The following KPNA5 variants were observed in gnomAD, a reference collection of about 807,000 sequenced individuals.
KPNA5 encodes the protein karyopherin subunit alpha 5.
KPNA5 carries 46 observed loss-of-function variants against 71.3 expected under a neutral mutation model. That is an observed-to-expected ratio of 0.65 (90% CI 0.51 to 0.83). The LOEUF (loss-of-function observed/expected upper bound fraction) is 0.83. KPNA5 is among the 40% of genes least tolerant of loss of function. The probability of loss-of-function intolerance (pLI) is 0.00; values close to 1 mark genes in which losing one functional copy is unlikely to be tolerated. For missense variants in KPNA5, 547 were observed against 628.3 expected, an observed-to-expected ratio of 0.87 and a Z score of 1.38; for synonymous variants, 207 against 201.4, an observed-to-expected ratio of 1.03 and a Z score of -0.24.
chr6:116,691,821 A>G lies in KPNA5; in HGVS notation c.139-234A>G, dbSNP rs557850672. Among the ~76,000 whole-genome samples, 15 of 152,350 alleles carry G rather than the reference A, an allele frequency of 9.8e-5. No homozygotes were observed. In the East Asian group the frequency reaches 2.9e-3, roughly 29 times the overall value. On this transcript the variant is annotated intron_variant, in intron 2 of 13. Transcript: ENST00000368564. ...GCTTACTGTTGGTAAAAGATCTGAG[A>G]TTGAAAGTGACGTGAAGTAGTCTGT...
intron 7 of KPNA5, among the ~76,000 whole-genome samples, chr6:116,709,518 C>T (rs901486600): frequency 6.6e-6 from 1 of 152,120 alleles, no homozygotes; most frequent in African/African-American, 2.4e-5. Context: ...GGTAAGACTC[C>T]ATCTCTAAAT....
chr6:116,697,476 A>G (rs985416724), intron 4 of KPNA5, among the ~76,000 whole-genome samples: 3 of 152,102 alleles, frequency 2.0e-5, no homozygotes, highest in Non-Finnish European at 4.4e-5. Flanking sequence ...TTAACAATTG[A>G]GAACAAGGTT....
chr6:116,692,862 T>G (rs1408788765), intron 4 of KPNA5, among the ~76,000 whole-genome samples: 1 of 152,234 alleles, frequency 6.6e-6, no homozygotes, highest in African/African-American at 2.4e-5. Flanking sequence ...ATTAGTTATA[T>G]CTCCTAATGC....
intron 8 of KPNA5, among the ~76,000 whole-genome samples, chr6:116,717,222 G>A (rs1254807972): frequency 6.6e-6 from 1 of 152,134 alleles, no homozygotes; most frequent in Non-Finnish European, 1.5e-5. Flanking sequence ...TAGTGCAAAT[G>A]TCAACAAAAT....
rs1779558150 is a variant in KPNA5 at position 116,733,246 on chromosome 6, A to G, written c.*923A>G. On this transcript the variant is annotated 3_prime_UTR_variant, in exon 14 of 14. Transcript: ENST00000368564. ...TTCAGAGCAGTAATTGAAAAGTTTC[A>G]TTTTCTGTATAATAGTACTAGTTTA... is the stretch of plus-strand genomic sequence containing the variant. The G allele has an allele frequency of 1.3e-5, 2 of 150,844 alleles. No homozygotes were observed. The highest frequency in any genetic ancestry group is 4.8e-5 in the African/African-American group (2 of 41,258). The allele number at this position is 150,844 out of a possible 1,614,324, so 9.3% of individuals were successfully genotyped here.
intron 10 of KPNA5, 128 bp downstream of exon 10, chr6:116,724,503 G>C: frequency 1.7e-6 from 1 of 583,940 alleles, no homozygotes; most frequent in South Asian, 2.6e-5. Context: ...GTCTGTATCT[G>C]TGTCTTGGAG....
At position 116,734,268 on chromosome 6, in the gene KPNA5, C is replaced by T. The variant is rs1171723235; in HGVS notation, c.*1945C>T. 6.6e-6 allele frequency: 1 copy of T among 151,718 alleles called. No individual in the cohort carries two copies. The highest frequency in any genetic ancestry group is 1.5e-5 in the Non-Finnish European group (1 of 67,740). 9.4% of individuals were successfully genotyped at this position (151,718 alleles called of 1,614,324 possible). On this transcript the variant is annotated 3_prime_UTR_variant, in exon 14 of 14. Transcript: ENST00000368564. ...GCAGCATGATTCATAAACTAACCAG[C>T]TGTGCCTCCTTTTATTTTGAGGACC...
intron 7 of KPNA5, among the ~76,000 whole-genome samples, chr6:116,707,071 G>C (rs1208781699): frequency 1.3e-5 from 2 of 152,068 alleles, no homozygotes; most frequent in African/African-American, 4.8e-5. Flanking sequence ...GGCTGAGGCA[G>C]GAGGATGGCT....
rs58131077 is a variant in KPNA5, at chr6:116,726,061, AGT to A, written c.1125+206_1125+207del. 2.5e-4 allele frequency among the ~76,000 whole-genome samples: 38 copies of A among 150,556 alleles called. No individual in the cohort carries two copies. The South Asian group carries it at 3.3e-3, about 13-fold the overall frequency. On this transcript the variant is annotated intron_variant, in intron 11 of 13. Coordinates refer to ENST00000368564, the MANE Select transcript of KPNA5 (RefSeq NM_001366306.2). ...TGTAGTATTCTAGTGAAGAACATCA[AGT>A]GTGTGTGTGTGTGTGTGTGTCTAGC...
At chr6:116,728,628 C>T (rs190176781) in intron 12 of KPNA5, among the ~76,000 whole-genome samples, 1 of 152,144 alleles carries the variant, frequency 6.6e-6, no homozygotes, top group African/African-American at 2.4e-5. Context: ...AATGAGTGCT[C>T]TGGTGAAGGT....
At chr6:116,707,372 C>T (rs566301019) in intron 7 of KPNA5, among the ~76,000 whole-genome samples, 2 of 152,196 alleles carry the variant, frequency 1.3e-5, no homozygotes, top group Admixed American at 1.3e-4. Flanking sequence ...TAATTTAACT[C>T]AACTTTAATT....
At chr6:116,717,758 C>T (rs759000088) in intron 8 of KPNA5, among the ~76,000 whole-genome samples, 17 of 152,170 alleles carry the variant, frequency 1.1e-4, no homozygotes, top group Non-Finnish European at 1.5e-4. Flanking sequence ...TCCCATGATT[C>T]TTCCCTTAAG....
intron 9 of KPNA5, among the ~76,000 whole-genome samples, chr6:116,722,659 A>C (rs57100696): frequency 0.033 from 5,085 of 152,270 alleles, 247 homozygotes; most frequent in African/African-American, 0.11. Flanking sequence ...TTTATTATTC[A>C]TTATAATAAT....
At position 116,725,764 on chromosome 6, in the gene KPNA5, G is replaced by A. The variant is rs1437752200; in HGVS notation, c.1013G>A (p.Cys338Tyr). The change falls in exon 11 of 14, where the codon TGT becomes TAT. Residue 338 changes from cysteine (C) to tyrosine (Y), a missense_variant. Cys to Tyr is a radical substitution (Grantham distance 194). Transcript: ENST00000368564. ...AACTTGTTTTAGGTAATTTTGAATT[G>A]TTCTGCATTACCCTGTCTCTTACAT... is the stretch of plus-strand genomic sequence containing the variant. ...DDIQTQVILN[C>Y]SALPCLLHLL... The A allele has an allele frequency of 1.2e-5, 19 of 1,610,670 alleles. No homozygotes were observed. Among genetic ancestry groups the A allele is most frequent in the Admixed American group, 6.7e-5 (4 of 59,588 alleles).
At chr6:116,704,619 C>T (rs944945786) in intron 6 of KPNA5, among the ~76,000 whole-genome samples, 7 of 151,612 alleles carry the variant, frequency 4.6e-5, no homozygotes, top group African/African-American at 7.3e-5. Context: ...GACAGGGTTT[C>T]GCTCTGTTGC....
chr6:116,723,735 G>A (rs1216335866), intron 9 of KPNA5, among the ~76,000 whole-genome samples: 5 of 152,116 alleles, frequency 3.3e-5, no homozygotes, highest in Non-Finnish European at 7.3e-5. Flanking sequence ...CAATACTTCA[G>A]ATAATAAGCA....
intron 7 of KPNA5, among the ~76,000 whole-genome samples, chr6:116,711,353 TTTC>T (rs764482851): frequency 6.6e-6 from 1 of 151,986 alleles, no homozygotes; most frequent in African/African-American, 2.4e-5. Flanking sequence ...TTAACTTTAT[TTTC>T]TTCCTCCTGC....
rs979959824 is a variant in KPNA5 at position 116,735,139 on chromosome 6, C to G, written c.*2816C>G. On this transcript the variant is annotated 3_prime_UTR_variant, in exon 14 of 14. Transcript: ENST00000368564. The stretch of plus-strand genomic sequence containing the variant: ...ATTTTAGTGTCATTTGGTCAACTTA[C>G]TGGTAACACCAGAACAAGAAAGCAA... 6.6e-6 allele frequency: 1 copy of G among 151,730 alleles called. No homozygotes were observed. Among genetic ancestry groups the G allele is most frequent in the African/African-American group, 2.4e-5 (1 of 41,416 alleles). 9.4% of individuals were successfully genotyped at this position (151,730 alleles called of 1,614,324 possible).
chr6:116,707,470 A>C (rs898732573), intron 7 of KPNA5, among the ~76,000 whole-genome samples: 1 of 152,170 alleles, frequency 6.6e-6, no homozygotes, highest in Non-Finnish European at 1.5e-5. Context: ...GGCCAGCTTT[A>C]TCTCTCAGGT....
Sources: gnomAD v4.1 joint callset for allele counts (sites outside exome capture counted in the v4.1 genomes callset) on GRCh38, gnomAD v4.1.1 for gene constraint, MANE v1.5 for transcripts, NCBI Gene and HGNC (gene_info 2026-07-23, HGNC 2026-07-21) for gene names.